The following SCAND3 variants were observed in gnomAD, a reference collection of about 807,000 sequenced individuals.
SCAND3 encodes the protein SCAN domain containing 3, also known as SCAN domain-containing protein 3.
the SCAND3 span, among the ~76,000 whole-genome samples, chr6:28,604,642 T>C: frequency 6.6e-6 from 1 of 152,056 alleles, no homozygotes; most frequent in Non-Finnish European, 1.5e-5. Flanking sequence ...AATTTAACTA[T>C]TACATATTTA....
chr6:28,595,423 G>T, the SCAND3 span, among the ~76,000 whole-genome samples: 1 of 149,398 alleles, frequency 6.7e-6, no homozygotes. Context: ...AACATTTACA[G>T]AAATAAAGAA....
At chr6:28,593,260 C>A in the SCAND3 span, among the ~76,000 whole-genome samples, 1 of 151,934 alleles carries the variant, frequency 6.6e-6, no homozygotes. Context: ...CCTGAACAGA[C>A]ATTTCTCAAA....
chr6:28,609,357 T>C, the SCAND3 span, among the ~76,000 whole-genome samples: 1 of 152,214 alleles, frequency 6.6e-6, no homozygotes, highest in Non-Finnish European at 1.5e-5. Context: ...AAAATAGCTT[T>C]TCCATATTCA....
At chr6:28,597,424 A>G in the SCAND3 span, among the ~76,000 whole-genome samples, 14 of 152,214 alleles carry the variant, frequency 9.2e-5, no homozygotes, top group Non-Finnish European at 1.5e-4. Flanking sequence ...ACCTCGTCAC[A>G]TGCTAAGCGT....
the SCAND3 span, among the ~76,000 whole-genome samples, chr6:28,613,043 TTGAC>T: frequency 6.6e-6 from 1 of 152,174 alleles, no homozygotes; most frequent in Non-Finnish European, 1.5e-5. Flanking sequence ...TGTTACAAAA[TTGAC>T]TAGATATTAT....
chr6:28,582,514 A>C, the SCAND3 span, among the ~76,000 whole-genome samples: 431 of 152,342 alleles, frequency 2.8e-3, 1 homozygote, highest in Middle Eastern at 0.017. This position sits in a 1 kb window ranked among gnomAD's most constrained non-coding sequence, Gnocchi z 4.8. Flanking sequence ...GTATTAAAAA[A>C]ACATGCTTTC....
the SCAND3 span, chr6:28,576,098 C>G: frequency 6.3e-7 from 1 of 1,599,232 alleles, no homozygotes; most frequent in Non-Finnish European, 8.5e-7. Flanking sequence ...TTATCACCAC[C>G]CATGCTTTGA....
chr6:28,588,139 TAC>T, the SCAND3 span: 1 of 152,242 alleles, frequency 6.6e-6, no homozygotes, highest in African/African-American at 2.4e-5. This position sits in a 1 kb window ranked among gnomAD's most constrained non-coding sequence, Gnocchi z 4.1. Flanking sequence ...AAAGAAATCT[TAC>T]GCTTAGAGTC....
the SCAND3 span, chr6:28,573,686 G>A: frequency 1.1e-5 from 17 of 1,610,190 alleles, no homozygotes; most frequent in Middle Eastern, 1.6e-4. Context: ...TCATATTTCC[G>A]AGTGAAACTA....
the SCAND3 span, among the ~76,000 whole-genome samples, chr6:28,595,478 T>C: frequency 6.6e-6 from 1 of 151,726 alleles, no homozygotes; most frequent in Non-Finnish European, 1.5e-5. Context: ...ATCCCAGCAC[T>C]TTGGGAGGCC....
the SCAND3 span, chr6:28,572,045 A>C: frequency 6.2e-7 from 1 of 1,614,080 alleles, no homozygotes; most frequent in South Asian, 1.1e-5. The surrounding 1 kb of genome is among the most constrained non-coding windows in gnomAD (Gnocchi z 4.1). Context: ...CTTAAAGTAG[A>C]GAATCCGGTC....
the SCAND3 span, among the ~76,000 whole-genome samples, chr6:28,615,267 A>G: frequency 6.6e-6 from 1 of 152,210 alleles, no homozygotes; most frequent in African/African-American, 2.4e-5. Flanking sequence ...ACAAAATGTA[A>G]TATTTTACTA....
chr6:28,586,191 G>T, the SCAND3 span: 1 of 850,320 alleles, frequency 1.2e-6, no homozygotes, highest in Non-Finnish European at 1.9e-6. The surrounding 1 kb of genome is among the most constrained non-coding windows in gnomAD (Gnocchi z 4.4). Context: ...AAGAAATAAT[G>T]CCCCAAACCA....
the SCAND3 span, chr6:28,587,077 G>T: frequency 4.6e-6 from 1 of 218,796 alleles, no homozygotes; most frequent in Non-Finnish European, 9.0e-6. Context: ...TATGAGCCTA[G>T]GCAAGGAAAC....
the SCAND3 span, among the ~76,000 whole-genome samples, chr6:28,601,147 C>T: frequency 1.3e-4 from 20 of 152,066 alleles, no homozygotes; most frequent in Non-Finnish European, 2.4e-4. Context: ...CCTCCTGATC[C>T]GCCCACCTCA....
chr6:28,598,239 C>T, the SCAND3 span, among the ~76,000 whole-genome samples: 3 of 152,104 alleles, frequency 2.0e-5, no homozygotes, highest in Non-Finnish European at 2.9e-5. Flanking sequence ...CAGGAAGAAG[C>T]GGACTTTGGC....
the SCAND3 span, chr6:28,586,289 A>G: frequency 1.9e-6 from 3 of 1,577,794 alleles, no homozygotes; most frequent in Non-Finnish European, 2.6e-6. The surrounding 1 kb of genome is among the most constrained non-coding windows in gnomAD (Gnocchi z 4.4). Flanking sequence ...GGCACCTCCA[A>G]TTTCTCACCT....
the SCAND3 span, chr6:28,591,591 C>G: frequency 3.3e-5 from 5 of 152,206 alleles, no homozygotes; most frequent in Non-Finnish European, 7.3e-5. Flanking sequence ...CCCTTGATAT[C>G]TAATCAAGTT....
chr6:28,594,798 G>T, the SCAND3 span, among the ~76,000 whole-genome samples: 1 of 152,016 alleles, frequency 6.6e-6, no homozygotes, highest in East Asian at 1.9e-4. Context: ...AATACTTCAT[G>T]ATCTCACTTA....
Sources: allele counts gnomAD v4.1 joint callset (sites outside exome capture counted in the v4.1 genomes callset), GRCh38; gene constraint gnomAD v4.1.1; non-coding constraint Gnocchi (gnomAD v3.1); transcripts MANE v1.5; gene names NCBI Gene and HGNC (gene_info 2026-07-23, HGNC 2026-07-21).